MYO1D: variants seen among roughly 807,000 people sequenced by gnomAD.
MYO1D encodes myosin ID.
MYO1D carries 83 observed loss-of-function variants against 122.0 expected under a neutral mutation model. The ratio of observed to expected loss-of-function variants is 0.68; its 90% CI spans 0.57 to 0.82. The LOEUF (loss-of-function observed/expected upper bound fraction) is 0.82. Ranked by LOEUF, MYO1D falls within the 40% of genes least tolerant of loss-of-function variation. The pLI is 0.00. For synonymous variants in MYO1D, 464 were observed against 446.9 expected (o/e 1.04, Z -0.48); for missense variants, 1,157 against 1,269.5 (o/e 0.91, Z 1.35).
chr17:32,802,931 T>C (rs1279277036), intron 1 of MYO1D, among the ~76,000 whole-genome samples: 1 of 152,152 alleles, frequency 6.6e-6, no homozygotes, highest in African/African-American at 2.4e-5. Flanking sequence ...GGTTTTAGAT[T>C]TGGTGGCCAA....
rs540780994 is a variant in MYO1D at position 32,689,243 on chromosome 17, A to G, written c.2121+22745T>C. Among the ~76,000 whole-genome samples the G allele has an allele frequency of 2.2e-4, 34 of 152,342 alleles. No homozygotes were observed. The South Asian group carries it at 6.8e-3, about 31-fold the overall frequency. ...TTGTTTGTAAACCTGCATTTAAATT[A>G]TAAATGCTTGATTATATTTTGAGTT... is the stretch of plus-strand genomic sequence containing the variant. On this transcript the variant is annotated intron_variant, in intron 16 of 21. Coordinates refer to ENST00000318217, the MANE Select transcript of MYO1D (RefSeq NM_015194.3).
chr17:32,868,801 G>C (rs1598169234), intron 1 of MYO1D, among the ~76,000 whole-genome samples: 1 of 152,134 alleles, frequency 6.6e-6, no homozygotes, highest in East Asian at 1.9e-4. Context: ...ATTTGAACTT[G>C]GTCATTTACG....
chr17:32,687,283 G>T (rs564719163), intron 16 of MYO1D, among the ~76,000 whole-genome samples: 1 of 150,286 alleles, frequency 6.7e-6, no homozygotes, highest in South Asian at 2.1e-4. Flanking sequence ...TGCAAGCTCC[G>T]CCTCCTGGGT....
chr17:32,748,227 T>C (rs1310627623), intron 12 of MYO1D, among the ~76,000 whole-genome samples: 2 of 152,238 alleles, frequency 1.3e-5, no homozygotes, highest in Non-Finnish European at 2.9e-5. Flanking sequence ...CTTTTTAAAA[T>C]AATATTTGGA....
chr17:32,814,281 T>C (rs576270466), intron 1 of MYO1D, among the ~76,000 whole-genome samples: 1 of 152,188 alleles, frequency 6.6e-6, no homozygotes, highest in East Asian at 1.9e-4. Context: ...GAGGCGGAGG[T>C]TGCAGTGAGC....
chr17:32,729,286 T>C (rs990917717), intron 14 of MYO1D, among the ~76,000 whole-genome samples: 2 of 152,204 alleles, frequency 1.3e-5, no homozygotes, highest in African/African-American at 4.8e-5. Flanking sequence ...CAAATAGTCA[T>C]AGCAAATTCA....
intron 15 of MYO1D, among the ~76,000 whole-genome samples, chr17:32,714,284 T>C (rs908369942): frequency 3.3e-5 from 5 of 149,942 alleles, no homozygotes; most frequent in Non-Finnish European, 5.9e-5. Flanking sequence ...CGTGTTCTCA[T>C]TGTTCAGCTC....
chr17:32,829,828 T>G (rs955661010), intron 1 of MYO1D, among the ~76,000 whole-genome samples: 3 of 152,196 alleles, frequency 2.0e-5, no homozygotes, highest in Admixed American at 2.0e-4. Flanking sequence ...GGGATTTTTG[T>G]GAAGCAGAAA....
chr17:32,844,709 G>C (rs959214900), intron 1 of MYO1D, among the ~76,000 whole-genome samples: 1 of 151,566 alleles, frequency 6.6e-6, no homozygotes, highest in African/African-American at 2.4e-5. Flanking sequence ...TGGATGACAG[G>C]GCAAGACCCT....
intron 16 of MYO1D, among the ~76,000 whole-genome samples, chr17:32,709,109 G>A (rs1019313202): frequency 1.3e-5 from 2 of 152,150 alleles, no homozygotes; most frequent in Admixed American, 6.5e-5. Flanking sequence ...ACAAACTATC[G>A]CTGTAGATTT....
intron 21 of MYO1D, among the ~76,000 whole-genome samples, chr17:32,534,712 G>A (rs1050252241): frequency 1.3e-5 from 2 of 152,176 alleles, no homozygotes; most frequent in Non-Finnish European, 2.9e-5. Flanking sequence ...TCTGACAAAT[G>A]CTGGGGCTAA....
At chr17:32,782,662 G>T (rs2009786) in intron 1 of MYO1D, among the ~76,000 whole-genome samples, 1 of 152,162 alleles carries the variant, frequency 6.6e-6, no homozygotes, top group Non-Finnish European at 1.5e-5. Context: ...CTGGCCAGAC[G>T]CAGTGGCTCT....
chr17:32,815,222 T>C (rs867414324), intron 1 of MYO1D, among the ~76,000 whole-genome samples: 2 of 152,202 alleles, frequency 1.3e-5, no homozygotes, highest in South Asian at 4.1e-4. Context: ...TATAATTCTG[T>C]TGAAAAAATA....
chr17:32,859,125 G>A (rs2091049558), intron 1 of MYO1D, among the ~76,000 whole-genome samples: 1 of 152,258 alleles, frequency 6.6e-6, no homozygotes, highest in Non-Finnish European at 1.5e-5. Context: ...ACAGAGATGG[G>A]GAATACATAA....
chr17:32,580,289 A>ATTTTTTTTTTT (rs71144843), intron 21 of MYO1D, among the ~76,000 whole-genome samples: 4 of 39,114 alleles, frequency 1.0e-4, no homozygotes, highest in Non-Finnish European at 1.3e-4. Flanking sequence ...TGCTAAGAGG[A>ATTTTTTTTTTT]TTTTTTTTTT....
intron 6 of MYO1D, among the ~76,000 whole-genome samples, chr17:32,768,538 A>G (rs2090083496): frequency 6.6e-6 from 1 of 152,236 alleles, no homozygotes; most frequent in African/African-American, 2.4e-5. Flanking sequence ...GTTTGGATAC[A>G]GAGACCTGGC....
intron 1 of MYO1D, among the ~76,000 whole-genome samples, chr17:32,846,315 T>C (rs1279587579): frequency 6.6e-6 from 1 of 152,238 alleles, no homozygotes; most frequent in Non-Finnish European, 1.5e-5. Flanking sequence ...AAAAAGTGTA[T>C]GTGTATCATG....
chr17:32,659,139 T>C lies in MYO1D; in HGVS notation c.2321A>G (p.Glu774Gly), dbSNP rs768080626. The change falls in exon 17 of 22, where the codon GAG becomes GGG. Residue 774 changes from glutamate (E) to glycine (G), a missense_variant. Physicochemically the swap from Glu to Gly is moderately conservative, Grantham distance 98 (BLOSUM62 -2). Coordinates refer to ENST00000318217, the MANE Select transcript of MYO1D (RefSeq NM_015194.3). ...SPPKVLRRFEEALQTIFNRWR... is the reference protein window; with the variant it reads ...SPPKVLRRFEGALQTIFNRWR... ...CCTATTGAAAATCGTCTGCAGGGCC[T>C]CCTCAAAACGGCGAAGAACTTTAGG... 1 of 1,614,164 alleles carries C rather than the reference T, an allele frequency of 6.2e-7. No homozygotes were observed. The highest frequency in any genetic ancestry group is 2.2e-5 in the East Asian group (1 of 44,880).
At chr17:32,596,843 T>C (rs321173) in intron 21 of MYO1D, among the ~76,000 whole-genome samples, 7,535 of 152,274 alleles carry the variant, frequency 0.049, 216 homozygotes, top group Middle Eastern at 0.088. Context: ...GGTGACTTCA[T>C]AGTTAGGGCA....
Sources: allele counts gnomAD v4.1 joint callset (sites outside exome capture counted in the v4.1 genomes callset), GRCh38; gene constraint gnomAD v4.1.1; transcripts MANE v1.5; gene names NCBI Gene and HGNC (gene_info 2026-07-23, HGNC 2026-07-21).